Variants in UBAC2 observed in about 807,000 individuals in gnomAD.
The protein encoded by UBAC2 is UBA domain containing 2, also known as ubiquitin-associated domain-containing protein 2.
A neutral mutation model predicts 44.0 loss-of-function variants in UBAC2; 26 were observed. The observed-to-expected ratio is 0.59, with a 90% CI of 0.43 to 0.82. The LOEUF (loss-of-function observed/expected upper bound fraction) is 0.82. Among genes scored for constraint, UBAC2 ranks in the 40% least tolerant of loss-of-function variants. The pLI is 0.00. For synonymous variants in UBAC2, 155 were observed against 154.3 expected (o/e 1.00, Z -0.04); for missense variants, 329 against 419.4 (o/e 0.78, Z 1.88).
chr13:99,203,107 G>A (rs990431096), intron 1 of UBAC2, among the ~76,000 whole-genome samples: 7 of 151,724 alleles, frequency 4.6e-5, no homozygotes, highest in African/African-American at 2.4e-5. Flanking sequence ...GTGGATCTCC[G>A]CTCACTGCAA....
chr13:99,215,562 C>T, intron 1 of UBAC2: 2 of 1,418,420 alleles, frequency 1.4e-6, no homozygotes, highest in Non-Finnish European at 2.0e-6. Flanking sequence ...CAGTTCAAGT[C>T]CCTCTGCGGT....
intron 4 of UBAC2, among the ~76,000 whole-genome samples, chr13:99,279,308 T>A (rs996468626): frequency 6.6e-6 from 1 of 152,172 alleles, no homozygotes; most frequent in Non-Finnish European, 1.5e-5. Flanking sequence ...AAAAAGTTGA[T>A]CAAAATTTGT....
intron 7 of UBAC2, among the ~76,000 whole-genome samples, chr13:99,343,772 A>T (rs949242298): frequency 1.3e-5 from 2 of 152,242 alleles, no homozygotes; most frequent in Admixed American, 6.5e-5. Context: ...TTTTCTTCAC[A>T]TAAGTATGAT....
At chr13:99,201,642 G>GT in intron 1 of UBAC2, 4 of 1,532,480 alleles carry the variant, frequency 2.6e-6, no homozygotes, top group Non-Finnish European at 3.6e-6. Flanking sequence ...TTTCGGTAAG[G>GT]TAGACTGCGT....
chr13:99,240,784 A>T (rs376718786), intron 2 of UBAC2, among the ~76,000 whole-genome samples: 2 of 152,194 alleles, frequency 1.3e-5, no homozygotes, highest in East Asian at 3.9e-4. Context: ...AGGTGAGGTG[A>T]ACTCTGGTGG....
chr13:99,330,151 T>G (rs910582475), intron 6 of UBAC2, among the ~76,000 whole-genome samples: 1 of 152,136 alleles, frequency 6.6e-6, no homozygotes. Context: ...CAATTGTTTG[T>G]CACTAGTGTG....
intron 1 of UBAC2, among the ~76,000 whole-genome samples, chr13:99,234,815 C>T (rs1484338466): frequency 6.6e-6 from 1 of 152,050 alleles, no homozygotes; most frequent in Non-Finnish European, 1.5e-5. Context: ...AGATGTCTCA[C>T]AATAGTGTGC....
intron 7 of UBAC2, among the ~76,000 whole-genome samples, chr13:99,345,619 A>G (rs1440770498): frequency 6.6e-6 from 1 of 152,148 alleles, no homozygotes; most frequent in African/African-American, 2.4e-5. Context: ...GAGTCCCTCA[A>G]GATCTAGAGA....
intron 5 of UBAC2, chr13:99,314,613 A>G (rs1460420784): frequency 1.3e-5 from 2 of 155,188 alleles, no homozygotes; most frequent in Non-Finnish European, 2.9e-5. Flanking sequence ...TGTCGCAAAT[A>G]AAGCTCTGAA....
chr13:99,344,854 CA>C (rs1269344703), intron 7 of UBAC2, among the ~76,000 whole-genome samples: 1 of 152,108 alleles, frequency 6.6e-6, no homozygotes, highest in Admixed American at 6.5e-5. Flanking sequence ...TCGCTGTGGG[CA>C]CAAAATAAAT....
At chr13:99,358,388 A>G (rs2045218556) in intron 7 of UBAC2, among the ~76,000 whole-genome samples, 1 of 152,244 alleles carries the variant, frequency 6.6e-6, no homozygotes, top group Non-Finnish European at 1.5e-5. Context: ...ACAAAATCGA[A>G]TGCAGAAGCA....
intron 4 of UBAC2, among the ~76,000 whole-genome samples, chr13:99,285,018 A>G (rs1406201637): frequency 6.6e-6 from 1 of 152,154 alleles, no homozygotes; most frequent in Non-Finnish European, 1.5e-5. Context: ...ATTCCCTGGC[A>G]TTTTAAAAGT....
At chr13:99,314,300 C>G in intron 5 of UBAC2, 80 bp downstream of exon 5, 1 of 1,388,332 alleles carries the variant, frequency 7.2e-7, no homozygotes, top group East Asian at 2.4e-5. Context: ...CTCATTTGAT[C>G]TCCTTGAAAA....
intron 4 of UBAC2, among the ~76,000 whole-genome samples, chr13:99,247,786 T>C (rs1033170272): frequency 6.6e-6 from 1 of 152,166 alleles, no homozygotes; most frequent in African/African-American, 2.4e-5. Flanking sequence ...GTTTTGCACC[T>C]AACATCTAAT....
intron 4 of UBAC2, among the ~76,000 whole-genome samples, chr13:99,277,751 T>C (rs894473222): frequency 6.6e-6 from 1 of 152,200 alleles, no homozygotes; most frequent in Non-Finnish European, 1.5e-5. Flanking sequence ...ATTGTCTCAC[T>C]TTCTGGGCCT....
rs775407222 is a variant in UBAC2, at chr13:99,385,316, A to G, written c.1016A>G (p.Asn339Ser). The G allele has an allele frequency of 7.4e-6, 12 of 1,613,976 alleles. No homozygotes were observed. Among genetic ancestry groups the G allele is most frequent in the East Asian group, 2.2e-5 (1 of 44,874 alleles). The change falls in exon 9 of 9, where the codon AAC becomes AGC. Residue 339 changes from asparagine to serine, a missense_variant. Asn to Ser is a conservative substitution (Grantham distance 46, BLOSUM62 1). Coordinates refer to ENST00000403766, the MANE Select transcript of UBAC2 (RefSeq NM_001144072.2). ...ASNNDLNVAT[N>S]FLLQH is the part of the protein sequence containing the mutation. Reference sequence around the variant, plus strand: ...AACAATGACCTCAATGTCGCCACCAACTTCCTGCTGCAGCACTGATAGTCC... The same window carrying G: ...AACAATGACCTCAATGTCGCCACCAGCTTCCTGCTGCAGCACTGATAGTCC...
chr13:99,240,176 T>C (rs1163443036), intron 2 of UBAC2, among the ~76,000 whole-genome samples: 1 of 152,140 alleles, frequency 6.6e-6, no homozygotes, highest in Non-Finnish European at 1.5e-5. Flanking sequence ...AGAGGTACAG[T>C]CAGTTTTCTT....
intron 4 of UBAC2, among the ~76,000 whole-genome samples, chr13:99,265,534 T>A (rs1054305899): frequency 6.6e-6 from 1 of 152,238 alleles, no homozygotes; most frequent in African/African-American, 2.4e-5. Context: ...CTGTGACACA[T>A]CTCTCTTTGA....
At chr13:99,257,085 T>C (rs982434780) in intron 4 of UBAC2, among the ~76,000 whole-genome samples, 1 of 152,146 alleles carries the variant, frequency 6.6e-6, no homozygotes, top group Non-Finnish European at 1.5e-5. Flanking sequence ...CCTTCCTTCC[T>C]TTCCCTTCCC....
Sources: allele counts gnomAD v4.1 joint callset (sites outside exome capture counted in the v4.1 genomes callset), GRCh38; gene constraint gnomAD v4.1.1; transcripts MANE v1.5; gene names NCBI Gene and HGNC (gene_info 2026-07-23, HGNC 2026-07-21).